ABCC2: variants seen among roughly 807,000 people sequenced by gnomAD.
ABCC2 encodes the protein ATP binding cassette subfamily C member 2.
ABCC2 carries 157 observed loss-of-function variants against 173.4 expected under a neutral mutation model. The ratio of observed to expected loss-of-function variants is 0.91; its 90% CI spans 0.80 to 1.03. The LOEUF (loss-of-function observed/expected upper bound fraction) is 1.03. Ranked by LOEUF, ABCC2 falls within the 50% of genes least tolerant of loss-of-function variation. ABCC2 has a pLI of 0.00. For missense variants in ABCC2, 1,822 were observed against 1,852.3 expected, an observed-to-expected ratio of 0.98 and a Z score of 0.30; for synonymous variants, 657 against 693.5, an observed-to-expected ratio of 0.95 and a Z score of 0.83.
intron 7 of ABCC2, 100 bp downstream of exon 7, chr10:99,797,431 A>G (rs2037937845): frequency 1.9e-6 from 2 of 1,045,088 alleles, no homozygotes; most frequent in African/African-American, 1.6e-5. Flanking sequence ...ATAGCACTTC[A>G]TACTTCTCAG....
chr10:99,820,969 A>G (rs1010267134), intron 19 of ABCC2, among the ~76,000 whole-genome samples: 1 of 152,164 alleles, frequency 6.6e-6, no homozygotes, highest in Non-Finnish European at 1.5e-5. Flanking sequence ...CCAGCCTCTG[A>G]GTTCCCTTAG....
At chr10:99,839,174 G>A (rs1290707679) in intron 25 of ABCC2, among the ~76,000 whole-genome samples, 2 of 124,096 alleles carry the variant, frequency 1.6e-5, no homozygotes, top group African/African-American at 6.0e-5. Flanking sequence ...CGGGGCGGCT[G>A]GCCGGGCGGG....
chr10:99,835,896 C>G (rs1388637825), intron 24 of ABCC2, among the ~76,000 whole-genome samples, 195 bp from the exon 25 acceptor site: 1 of 152,156 alleles, frequency 6.6e-6, no homozygotes, highest in East Asian at 1.9e-4. Context: ...CCCACCAACC[C>G]CAGTCTTCTC....
chr10:99,828,746 A>G (rs987494289), intron 19 of ABCC2, among the ~76,000 whole-genome samples: 2 of 152,076 alleles, frequency 1.3e-5, no homozygotes, highest in African/African-American at 2.4e-5. Flanking sequence ...TAAGTGTCTC[A>G]GCCTTTGCTG....
At chr10:99,811,654 C>T (rs773524633) in intron 15 of ABCC2, 52 bp downstream of exon 15, 3 of 1,592,722 alleles carry the variant, frequency 1.9e-6, no homozygotes, top group Non-Finnish European at 2.6e-6. Flanking sequence ...CACTGCCTGG[C>T]CTATTCTCAG....
chr10:99,843,605 C>T (rs2038976421), intron 26 of ABCC2, among the ~76,000 whole-genome samples, 194 bp from the exon 27 acceptor site: 1 of 152,246 alleles, frequency 6.6e-6, no homozygotes. Context: ...AATTAGTCTG[C>T]AGCCATTCAA....
intron 2 of ABCC2, among the ~76,000 whole-genome samples, chr10:99,787,052 C>T (rs2132948810): frequency 6.6e-6 from 1 of 151,550 alleles, no homozygotes; most frequent in East Asian, 1.9e-4. Flanking sequence ...CCTGTAACCC[C>T]AGCTACTCAG....
rs2037853773 is a variant in ABCC2 at position 99,794,018 on chromosome 10, C to T, written c.576+19C>T. ...ATCAAATGTGAGATTCTAAATATGC[C>T]CATCTCATATATTACTTAATTGGAT... On this transcript the variant is annotated intron_variant, in intron 5 of 31. Coordinates refer to ENST00000647814, the MANE Select transcript of ABCC2 (RefSeq NM_000392.5). The T allele has an allele frequency of 6.4e-7, 1 of 1,553,676 alleles. No homozygotes were observed. The highest frequency in any genetic ancestry group is 1.1e-5 in the South Asian group (1 of 89,826).
chr10:99,822,117 A>T (rs1207100111), intron 19 of ABCC2, among the ~76,000 whole-genome samples: 2 of 152,078 alleles, frequency 1.3e-5, no homozygotes, highest in Non-Finnish European at 2.9e-5. Context: ...CTTCTATAGG[A>T]TTATCCATCC....
In ABCC2 at chr10:99,850,762, G is replaced by A. The variant is rs967548842; in HGVS notation, c.4474G>A (p.Ala1492Thr). 4.3e-6 allele frequency: 7 copies of A among 1,614,036 alleles called. No homozygotes were observed. The highest frequency in any genetic ancestry group is 1.7e-5 in the Admixed American group (1 of 60,000). ...CGCCCACTGCACAGTGATCACCATC[G>A]CCCACAGGCTGCACACCATCATGGA... ...EFAHCTVITIAHRLHTIMDSD... is the reference protein window; with the variant it reads ...EFAHCTVITITHRLHTIMDSD... Residue 1492 changes from alanine to threonine, a missense_variant, in exon 31 of 32, where the codon GCC becomes ACC. Coordinates refer to ENST00000647814, the MANE Select transcript of ABCC2 (RefSeq NM_000392.5).
intron 14 of ABCC2, among the ~76,000 whole-genome samples, chr10:99,810,699 T>C (rs1453525825): frequency 1.3e-5 from 2 of 152,170 alleles, no homozygotes; most frequent in Non-Finnish European, 2.9e-5. Flanking sequence ...GTCAGGAATC[T>C]GGGCTACCAG....
At chr10:99,800,653 G>A (rs769147022) in intron 9 of ABCC2, 90 bp downstream of exon 9, 509 of 1,441,662 alleles carry the variant, frequency 3.5e-4, no homozygotes, top group Non-Finnish European at 4.6e-4. Flanking sequence ...TGATGGAAAT[G>A]GTAACTTATC....
chr10:99,831,265 G>C lies in ABCC2; in HGVS notation c.2884-346G>C, dbSNP rs921740215. On this transcript the variant is annotated intron_variant, in intron 21 of 31. Coordinates refer to ENST00000647814, the MANE Select transcript of ABCC2 (RefSeq NM_000392.5). Reference sequence around the variant, plus strand: ...TACAGGGTCTCACTATGTTGCCCAGGCTGGACTAAAACCTCAGGGCTCAAG... The same window carrying C: ...TACAGGGTCTCACTATGTTGCCCAGCCTGGACTAAAACCTCAGGGCTCAAG... Among the ~76,000 whole-genome samples, 5 of 152,134 alleles carry C rather than the reference G, an allele frequency of 3.3e-5. No homozygotes were observed. The South Asian group carries it at 1.0e-3, about 32-fold the overall frequency.
intron 25 of ABCC2, among the ~76,000 whole-genome samples, chr10:99,841,177 C>T (rs1238833654): frequency 6.6e-6 from 1 of 152,164 alleles, no homozygotes; most frequent in Non-Finnish European, 1.5e-5. Context: ...ATGGTGCTTA[C>T]TTTTTAATCT....
In ABCC2 at chr10:99,811,580, G is replaced by T. The variant is rs1185417308; in HGVS notation, c.1945G>T (p.Asp649Tyr). The T allele has an allele frequency of 3.1e-6, 5 of 1,614,100 alleles. No individual in the cohort carries two copies. In the South Asian group the frequency reaches 5.5e-5, roughly 18 times the overall value. ...FSEASFTWEHDSEATVRDVNL... is the reference protein window; with the variant it reads ...FSEASFTWEHYSEATVRDVNL... ...TGAGGCCTCCTTTACCTGGGAACAT[G>T]ATTCGGAAGCCACAGTCCGAGAGTG... is the stretch of plus-strand genomic sequence containing the variant. Residue 649 changes from aspartate to tyrosine, a missense_variant, in exon 15 of 32, where the codon GAT becomes TAT. Coordinates refer to ENST00000647814, the MANE Select transcript of ABCC2 (RefSeq NM_000392.5).
Position 99,830,715 on chromosome 10 carries a change from G to A in ABCC2, c.2748-1G>A. 1.2e-6 allele frequency: 2 copies of A among 1,614,082 alleles called. No homozygotes were observed. The highest frequency in any genetic ancestry group is 1.7e-6 in the Non-Finnish European group (2 of 1,180,016). On this transcript the variant is annotated splice_acceptor_variant, in intron 20 of 31. Transcript: ENST00000647814. LOFTEE classifies it high-confidence loss of function. ...TGCTCAGGGAAGCTTCCCTCTCTCA[G>A]TTCTAGGTCCAATGGCAGGCATCTG... is the stretch of plus-strand genomic sequence containing the variant.
At chr10:99,845,090 C>A (rs2038998604) in intron 28 of ABCC2, among the ~76,000 whole-genome samples, 1 of 152,092 alleles carries the variant, frequency 6.6e-6, no homozygotes, top group South Asian at 2.1e-4. Flanking sequence ...AGTGCAGTGG[C>A]ACAATCTTGG....
intron 25 of ABCC2, among the ~76,000 whole-genome samples, chr10:99,838,196 G>A (rs1470763677): frequency 1.8e-3 from 76 of 42,716 alleles, no homozygotes; most frequent in Admixed American, 2.9e-3. Context: ...CTGGCCGGGC[G>A]GGGGGCTGAC....
At chr10:99,817,212 G>C (rs1292843664) in intron 16 of ABCC2, 96 bp from the exon 17 acceptor site, 6 of 1,095,484 alleles carry the variant, frequency 5.5e-6, no homozygotes, top group Non-Finnish European at 6.9e-6. Flanking sequence ...TTAAATTTAA[G>C]CTCCATTTGT....
Sources: gnomAD v4.1 joint callset for allele counts (sites outside exome capture counted in the v4.1 genomes callset) on GRCh38, gnomAD v4.1.1 for gene constraint, MANE v1.5 for transcripts, NCBI Gene and HGNC (gene_info 2026-07-23, HGNC 2026-07-21) for gene names.